KCNIP4: variants seen among roughly 807,000 people sequenced by gnomAD.
KCNIP4 encodes the protein potassium voltage-gated channel interacting protein 4.
In KCNIP4, 12 loss-of-function variants were observed where a neutral mutation model predicts 34.0. That is an observed-to-expected ratio of 0.35 (90% CI 0.23 to 0.57). KCNIP4 has a LOEUF of 0.57. Among genes scored for constraint, KCNIP4 ranks in the 20% least tolerant of loss-of-function variants. KCNIP4 has a pLI of 0.83. For synonymous variants in KCNIP4, 124 were observed against 102.2 expected (o/e 1.21, Z -1.29); for missense variants, 238 against 311.7 (o/e 0.76, Z 1.78).
At chr4:21,728,367 G>T (rs1230831928) in intron 1 of KCNIP4, among the ~76,000 whole-genome samples, 1 of 152,080 alleles carries the variant, frequency 6.6e-6, no homozygotes. Flanking sequence ...ATCAGCAAAT[G>T]GTGTTGGCTC....
chr4:21,224,324 G>A (rs1189021898), intron 1 of KCNIP4, among the ~76,000 whole-genome samples: 4 of 152,020 alleles, frequency 2.6e-5, no homozygotes, highest in East Asian at 2.0e-4. Flanking sequence ...TTCTTGCAGA[G>A]AGGAAGAGAG....
chr4:20,944,229 G>T (rs914693318), intron 1 of KCNIP4, among the ~76,000 whole-genome samples: 1 of 152,168 alleles, frequency 6.6e-6, no homozygotes, highest in Non-Finnish European at 1.5e-5. Flanking sequence ...CCCCTGAAAG[G>T]GAATCTCTGG....
intron 1 of KCNIP4, among the ~76,000 whole-genome samples, chr4:21,002,150 A>G (rs891726001): frequency 2.6e-5 from 4 of 152,188 alleles, no homozygotes; most frequent in Admixed American, 6.5e-5. Flanking sequence ...TCATCTTTCC[A>G]GATAGCATTT....
intron 1 of KCNIP4, among the ~76,000 whole-genome samples, chr4:21,037,480 TTGTC>T (rs530652514): frequency 1.3e-5 from 2 of 152,252 alleles, no homozygotes; most frequent in African/African-American, 4.8e-5. Context: ...ATACAATAGG[TTGTC>T]TATTTCCAGT....
intron 1 of KCNIP4, among the ~76,000 whole-genome samples, chr4:21,030,568 A>C (rs1277643640): frequency 6.6e-6 from 1 of 152,150 alleles, no homozygotes; most frequent in Non-Finnish European, 1.5e-5. Context: ...CCACTGATCT[A>C]AGGTGTTTAA....
intron 1 of KCNIP4, among the ~76,000 whole-genome samples, chr4:21,894,395 C>A (rs1207038867): frequency 6.6e-6 from 1 of 151,894 alleles, no homozygotes; most frequent in East Asian, 1.9e-4. Flanking sequence ...GCAATCTCTC[C>A]TCAAATTTTT....
intron 1 of KCNIP4, among the ~76,000 whole-genome samples, chr4:21,706,762 C>T (rs1017613884): frequency 1.4e-4 from 21 of 152,224 alleles, no homozygotes; most frequent in African/African-American, 5.1e-4. Context: ...CTGTGTATCT[C>T]AGTGGGAACA....
At chr4:20,930,076 T>C (rs1730299353) in intron 1 of KCNIP4, among the ~76,000 whole-genome samples, 2 of 151,826 alleles carry the variant, frequency 1.3e-5, no homozygotes, top group African/African-American at 4.8e-5. Context: ...AAAGGAACAA[T>C]GAGAAAGCAA....
In KCNIP4 at chr4:20,758,852, T is replaced by C; in HGVS notation, c.327A>G (p.Lys109=). The change falls in exon 4 of 9, where the codon AAA becomes AAG. Residue 109 remains lysine (K), a synonymous_variant. Coordinates refer to ENST00000382152, the MANE Select transcript of KCNIP4 (RefSeq NM_025221.6). ...PSGVVNEETF[K]EIYSQFFPQG... is the part of the protein sequence containing the mutation. ...GTGGAAAGAACTGCGAGTAAATCTCTTTGAAGGTTTCTTCATTAACAACAC... is the reference window on the plus strand; with the variant it reads ...GTGGAAAGAACTGCGAGTAAATCTCCTTGAAGGTTTCTTCATTAACAACAC... 1.9e-6 allele frequency: 3 copies of C among 1,613,412 alleles called. No individual in the cohort carries two copies. Among genetic ancestry groups the C allele is most frequent in the Admixed American group, 1.7e-5 (1 of 59,986 alleles).
chr4:21,938,141 C>T (rs756213670), intron 1 of KCNIP4, among the ~76,000 whole-genome samples: 1 of 152,102 alleles, frequency 6.6e-6, no homozygotes, highest in South Asian at 2.1e-4. Context: ...CAAAATTCAC[C>T]TGCCATCTGT....
chr4:20,767,252 G>A (rs1306325679), intron 3 of KCNIP4: 1 of 152,108 alleles, frequency 6.6e-6, no homozygotes, highest in East Asian at 1.9e-4. Flanking sequence ...AGTGTTATAA[G>A]TTGAATCACT....
At chr4:21,672,312 T>C (rs1749567492) in intron 1 of KCNIP4, among the ~76,000 whole-genome samples, 1 of 152,148 alleles carries the variant, frequency 6.6e-6, no homozygotes, top group Admixed American at 6.5e-5. Flanking sequence ...AAAAAGATAC[T>C]GGTTCTGTAA....
intron 1 of KCNIP4, among the ~76,000 whole-genome samples, chr4:20,960,601 A>G (rs1225689974): frequency 6.6e-6 from 1 of 152,244 alleles, no homozygotes; most frequent in East Asian, 1.9e-4. Context: ...AAATCTGTGC[A>G]AGGCAATCCC....
Position 21,259,918 on chromosome 4 carries a change from T to C in KCNIP4, c.62-377209A>G, listed in dbSNP as rs940846871. ...GTGTGTGTGTGTGTGTGTGTGTGTGTGTGCACGTGCGCTTATGTGCATTGT... is the reference window on the plus strand; with the variant it reads ...GTGTGTGTGTGTGTGTGTGTGTGTGCGTGCACGTGCGCTTATGTGCATTGT... On this transcript the variant is annotated intron_variant, in intron 1 of 8. Transcript: ENST00000382152. Among the ~76,000 whole-genome samples the C allele has an allele frequency of 1.0e-3, 154 of 148,508 alleles. 1 individual carries two copies. The highest frequency in any genetic ancestry group is 3.6e-3 in the African/African-American group (140 of 38,412).
intron 1 of KCNIP4, among the ~76,000 whole-genome samples, chr4:21,207,241 A>G (rs1756914874): frequency 1.3e-5 from 2 of 152,194 alleles, no homozygotes; most frequent in Non-Finnish European, 2.9e-5. Flanking sequence ...AATGTAAGAG[A>G]AAACAAGAGT....
chr4:21,368,209 T>C (rs1334294087), intron 1 of KCNIP4, among the ~76,000 whole-genome samples: 1 of 142,020 alleles, frequency 7.0e-6, no homozygotes, highest in Non-Finnish European at 1.5e-5. Context: ...AATAATCTTA[T>C]TAGAATGACT....
At chr4:21,705,468 A>C (rs1445812543) in intron 1 of KCNIP4, among the ~76,000 whole-genome samples, 4 of 152,178 alleles carry the variant, frequency 2.6e-5, no homozygotes, top group African/African-American at 9.7e-5. Flanking sequence ...TAATAAATAA[A>C]ATTTTAAAAA....
chr4:20,830,788 C>T (rs906768130), intron 3 of KCNIP4, among the ~76,000 whole-genome samples: 2 of 152,270 alleles, frequency 1.3e-5, no homozygotes, highest in African/African-American at 4.8e-5. Context: ...ATTGAAGTTA[C>T]ATCTTCGGCA....
intron 1 of KCNIP4, among the ~76,000 whole-genome samples, chr4:21,583,870 T>C (rs115776854): frequency 0.024 from 3,595 of 152,144 alleles, 148 homozygotes; most frequent in African/African-American, 0.08. Context: ...AATTAGAACA[T>C]CATGTAAATA....
Sources: gnomAD v4.1 joint callset for allele counts (sites outside exome capture counted in the v4.1 genomes callset) on GRCh38, gnomAD v4.1.1 for gene constraint, MANE v1.5 for transcripts, NCBI Gene and HGNC (gene_info 2026-07-23, HGNC 2026-07-21) for gene names.